GRIP2: variants seen among roughly 807,000 people sequenced by gnomAD.
GRIP2 encodes glutamate receptor-interacting protein 2.
A neutral mutation model predicts 108.3 loss-of-function variants in GRIP2; 58 were observed. The ratio of observed to expected loss-of-function variants is 0.54; its 90% CI spans 0.43 to 0.67. GRIP2 has a LOEUF of 0.67. Among genes scored for constraint, GRIP2 ranks in the 30% least tolerant of loss-of-function variants. GRIP2 has a pLI of 0.00. For missense variants in GRIP2, 1,278 were observed against 1,430.6 expected (o/e 0.89, Z 1.72); for synonymous variants, 586 against 598.2 (o/e 0.98, Z 0.30).
chr3:14,517,494 C>CTTTTTTTTTT lies in GRIP2; in HGVS notation c.1156+268_1156+277dup, dbSNP rs146509076. ...GAGGCAGGCCACCTAATCTCTCTCT[C>CTTTTTTTTTT]TTTTTTTTTTTTTTTTTTTTTTTTT... On this transcript the variant is annotated intron_variant, in intron 10 of 23. Transcript: ENST00000621039. Among the ~76,000 whole-genome samples the CTTTTTTTTTT allele has an allele frequency of 5.6e-5, 6 of 107,754 alleles. 3 individuals are homozygous for CTTTTTTTTTT. The highest frequency in any genetic ancestry group is 7.6e-5 in the African/African-American group (2 of 26,268). The allele number at this position is 107,754 out of a possible 152,430, so 70.7% of individuals were successfully genotyped here. A position where few individuals can be genotyped will look rare whatever the true frequency, so the allele number is the denominator to read the frequency against.
At chr3:14,572,909 G>C in the GRIP2 span, 3 of 1,294,394 alleles carry the variant, frequency 2.3e-6, no homozygotes, top group Non-Finnish European at 3.4e-6. Flanking sequence ...AGGGGATGCA[G>C]GTGAGGAACT....
intron 22 of GRIP2, 133 bp from the exon 23 acceptor site, chr3:14,495,122 C>T: frequency 2.5e-6 from 3 of 1,191,084 alleles, no homozygotes; most frequent in Non-Finnish European, 3.5e-6. Flanking sequence ...GCACCCCAGC[C>T]TCTTGCCCCT....
chr3:14,596,035 A>G, the GRIP2 span, among the ~76,000 whole-genome samples: 1 of 152,248 alleles, frequency 6.6e-6, no homozygotes, highest in Admixed American at 6.5e-5. Context: ...TGTTCCTACA[A>G]AGTGAGAGGG....
intron 1 of GRIP2, among the ~76,000 whole-genome samples, chr3:14,553,201 T>G (rs9843227): frequency 0.85 from 128,248 of 151,376 alleles, 54,494 homozygotes; most frequent in South Asian, 0.92. Flanking sequence ...TGTGCCTCCC[T>G]GGTCCAAGCT....
chr3:14,581,133 T>C, the GRIP2 span, among the ~76,000 whole-genome samples: 2 of 152,146 alleles, frequency 1.3e-5, no homozygotes, highest in African/African-American at 2.4e-5. Context: ...GATGGGTGGA[T>C]AGATAGATGT....
chr3:14,566,171 C>T, the GRIP2 span, among the ~76,000 whole-genome samples: 10 of 152,184 alleles, frequency 6.6e-5, no homozygotes, highest in African/African-American at 2.4e-4. Flanking sequence ...GCCATTCAAA[C>T]GAGCCACCGT....
the GRIP2 span, among the ~76,000 whole-genome samples, chr3:14,595,660 C>G: frequency 6.6e-6 from 1 of 152,366 alleles, no homozygotes. Flanking sequence ...CTTGGTGTGG[C>G]CCTGTGGGTG....
chr3:14,520,400 C>T lies in GRIP2; in HGVS notation c.850G>A (p.Val284Met), dbSNP rs770879779. ...CAGGGTGTGCCTTACCTGTCCACCA[C>T]GCTGGCTGGCTTGATGCGGTCGATG... ...ITIDRIKPAS[V>M]VDRSGALHPG... is the part of the protein sequence containing the mutation. The change falls in exon 8 of 24, where the codon GTG becomes ATG. Residue 284 changes from valine to methionine, a missense_variant. Physicochemically the swap from Val to Met is conservative, Grantham distance 21 (BLOSUM62 1). Coordinates refer to ENST00000621039, the MANE Select transcript of GRIP2 (RefSeq NM_001080423.4). The T allele has an allele frequency of 8.7e-6, 14 of 1,611,930 alleles. No homozygotes were observed. The highest frequency in any genetic ancestry group is 2.2e-5 in the East Asian group (1 of 44,858).
At chr3:14,589,779 CT>C in the GRIP2 span, among the ~76,000 whole-genome samples, 312 of 119,018 alleles carry the variant, frequency 2.6e-3, 2 homozygotes, top group East Asian at 8.7e-3. Flanking sequence ...ACAGACTACA[CT>C]TTTTTTTTTT....
chr3:14,562,547 G>A, the GRIP2 span, among the ~76,000 whole-genome samples: 2 of 152,224 alleles, frequency 1.3e-5, no homozygotes, highest in East Asian at 1.9e-4. Flanking sequence ...CACGTTTCCT[G>A]TGTTTCCTGT....
the GRIP2 span, among the ~76,000 whole-genome samples, chr3:14,569,276 T>G: frequency 6.6e-6 from 1 of 152,222 alleles, no homozygotes; most frequent in African/African-American, 2.4e-5. Flanking sequence ...TTAACATGGT[T>G]GCAGAAGGCT....
At chr3:14,577,098 CTCCCT>C in the GRIP2 span, among the ~76,000 whole-genome samples, 15 of 152,204 alleles carry the variant, frequency 9.9e-5, no homozygotes, top group Non-Finnish European at 2.2e-4. Context: ...CTCCAATTCT[CTCCCT>C]TCAAATTTTT....
At chr3:14,589,016 G>A in the GRIP2 span, among the ~76,000 whole-genome samples, 4 of 152,306 alleles carry the variant, frequency 2.6e-5, no homozygotes, top group East Asian at 3.9e-4. Context: ...AACAGAAAGC[G>A]CCTACTCACT....
In GRIP2 at chr3:14,527,119, C is replaced by T. The variant is rs1251820623; in HGVS notation, c.41-1188G>A. On this transcript the variant is annotated intron_variant, in intron 1 of 23. Transcript: ENST00000621039. ...GGGGAATCACTTGAATTTGGGAAGT[C>T]GAGACTACAGTGAGCTGTGATTGCG... Among the ~76,000 whole-genome samples, 3 of 152,012 alleles carry T rather than the reference C, an allele frequency of 2.0e-5. No homozygotes were observed. In the East Asian group the frequency reaches 5.8e-4, roughly 29 times the overall value.
At chr3:14,549,506 G>A (rs538140814) in intron 1 of GRIP2, among the ~76,000 whole-genome samples, 5 of 152,194 alleles carry the variant, frequency 3.3e-5, no homozygotes, top group South Asian at 2.1e-4. Flanking sequence ...CATTCACCCC[G>A]TTATTCTGGG....
At chr3:14,528,617 A>G (rs530132642) in intron 1 of GRIP2, among the ~76,000 whole-genome samples, 2 of 152,150 alleles carry the variant, frequency 1.3e-5, no homozygotes, top group Non-Finnish European at 2.9e-5. Flanking sequence ...ACACTTTGGG[A>G]GGCCAGGGTA....
intron 22 of GRIP2, among the ~76,000 whole-genome samples, chr3:14,495,723 G>A (rs1474644389): frequency 6.6e-6 from 1 of 152,104 alleles, no homozygotes; most frequent in Non-Finnish European, 1.5e-5. Flanking sequence ...TTTATATAAT[G>A]ACCTATAGAT....
chr3:14,494,837 C>T lies in GRIP2; in HGVS notation c.2970+6G>A. On this transcript the variant is annotated splice_donor_region_variant and intron_variant, in intron 23 of 23. Transcript: ENST00000621039. ...CCCCACTATGGAGCCCCTGCCCCAG[C>T]ATTACCTGCAGGACCCTGTCGAAGG... 1 of 1,609,736 alleles carries T rather than the reference C, an allele frequency of 6.2e-7. No individual in the cohort carries two copies. The highest frequency in any genetic ancestry group is 8.5e-7 in the Non-Finnish European group (1 of 1,177,288).
chr3:14,491,747 G>A lies in GRIP2; in HGVS notation c.*1918C>T, dbSNP rs1048521874. The stretch of plus-strand genomic sequence containing the variant: ...TGTCCAGCCCTGTTGCTTAGCAGAG[G>A]TCCAGAGAGGCTGAGCCACCTGTCC... On this transcript the variant is annotated 3_prime_UTR_variant, in exon 24 of 24. Coordinates refer to ENST00000621039, the MANE Select transcript of GRIP2 (RefSeq NM_001080423.4). The A allele has an allele frequency of 1.0e-4, 16 of 152,494 alleles. 1 individual carries two copies. Among genetic ancestry groups the A allele is most frequent in the African/African-American group, 3.8e-4 (16 of 41,582 alleles). The allele number at this position is 152,494 out of a possible 1,614,324, so 9.4% of individuals were successfully genotyped here.
Sources: allele counts gnomAD v4.1 joint callset (sites outside exome capture counted in the v4.1 genomes callset), GRCh38; gene constraint gnomAD v4.1.1; transcripts MANE v1.5; gene names NCBI Gene and HGNC (gene_info 2026-07-23, HGNC 2026-07-21).